KCNQ1: variants seen among roughly 807,000 people sequenced by gnomAD.
KCNQ1 encodes the protein potassium voltage-gated channel subfamily KQT member 1.
KCNQ1 carries 49 observed loss-of-function variants against 72.4 expected under a neutral mutation model. The observed-to-expected ratio is 0.68, with a 90% confidence interval of 0.54 to 0.86. The LOEUF is 0.86. Among genes scored for constraint, KCNQ1 ranks in the 40% least tolerant of loss-of-function variants. KCNQ1 has a pLI of 0.00. For missense variants in KCNQ1, 790 were observed against 945.1 expected (o/e 0.84, Z 2.15); for synonymous variants, 450 against 412.6 (o/e 1.09, Z -1.10).
rs747187696 is a variant in KCNQ1, at chr11:2,661,948, A to C, written c.1394-13A>C. ...GGGAGGCCTAACGTGCTGTCCCCAC[A>C]CTTTCTCCTCAGTAAGGAAGAGCCC... is the stretch of plus-strand genomic sequence containing the variant. On this transcript the variant is annotated splice_polypyrimidine_tract_variant and intron_variant, in intron 10 of 15. Transcript: ENST00000155840. This position sits in a 1 kb window ranked among gnomAD's most constrained non-coding sequence, Gnocchi z 5.9. 1 of 1,614,118 alleles carries C rather than the reference A, an allele frequency of 6.2e-7. No homozygotes were observed. The highest frequency in any genetic ancestry group is 1.1e-5 in the South Asian group (1 of 91,080).
chr11:2,791,719 C>T (rs1228367324), intron 15 of KCNQ1, among the ~76,000 whole-genome samples: 1 of 152,084 alleles, frequency 6.6e-6, no homozygotes, highest in South Asian at 2.1e-4. Flanking sequence ...GGGGCCCGGG[C>T]CTCCCGGGCT....
intron 2 of KCNQ1, among the ~76,000 whole-genome samples, chr11:2,561,095 G>C (rs1227362663): frequency 6.6e-6 from 1 of 151,554 alleles, no homozygotes; most frequent in African/African-American, 2.4e-5. Context: ...CCAGCTACTC[G>C]GGAGGCTGAG....
chr11:2,742,728 T>C (rs1846077658), intron 11 of KCNQ1, among the ~76,000 whole-genome samples: 1 of 152,240 alleles, frequency 6.6e-6, no homozygotes, highest in Non-Finnish European at 1.5e-5. Context: ...CCTCCCCATG[T>C]GCTGAATTCG....
At chr11:2,811,231 C>T (rs980813027) in intron 15 of KCNQ1, among the ~76,000 whole-genome samples, 3 of 152,232 alleles carry the variant, frequency 2.0e-5, no homozygotes, top group Non-Finnish European at 4.4e-5. Flanking sequence ...TCCGTCCCCA[C>T]GACCCCTGTC....
chr11:2,582,061 C>T (rs534353859), intron 6 of KCNQ1, among the ~76,000 whole-genome samples: 155 of 152,320 alleles, frequency 1.0e-3, no homozygotes, highest in Non-Finnish European at 1.4e-3. Flanking sequence ...AGGCCTGTCC[C>T]GCCCTGTGGC....
At position 2,784,757 on chromosome 11, in the gene KCNQ1, T is replaced by A. The variant is rs1426246632; in HGVS notation, c.1794+6720T>A. On this transcript the variant is annotated intron_variant, in intron 15 of 15. Transcript: ENST00000155840. The surrounding 1 kb of genome is among the most constrained non-coding windows in gnomAD (Gnocchi z 4.7). Reference sequence around the variant, plus strand: ...TAAATTTGGTACTTCTTTTGTTACATTTACTCCTAAATATTTTATTTGTCA... The same window carrying A: ...TAAATTTGGTACTTCTTTTGTTACAATTACTCCTAAATATTTTATTTGTCA... 2.0e-5 allele frequency among the ~76,000 whole-genome samples: 3 copies of A among 152,038 alleles called. No homozygotes were observed. The highest frequency in any genetic ancestry group is 1.3e-4 in the Admixed American group (2 of 15,270).
At chr11:2,697,383 CT>C (rs1197627424) in intron 11 of KCNQ1, 2 of 398,484 alleles carry the variant, frequency 5.0e-6, no homozygotes, top group African/African-American at 4.1e-5. Flanking sequence ...ATCCCCATTT[CT>C]TTTTCTTGTA....
rs531420343 is a variant in KCNQ1 at position 2,682,172 on chromosome 11, C to T, written c.1514+20091C>T. The T allele has an allele frequency of 3.4e-4, 134 of 398,608 alleles. No individual in the cohort carries two copies. Among genetic ancestry groups the T allele is most frequent in the African/African-American group, 2.5e-3 (123 of 48,738 alleles). The allele number at this position is 398,608 out of a possible 1,614,324, so 24.7% of individuals were successfully genotyped here. A position where few individuals can be genotyped will look rare whatever the true frequency, so the allele number is the denominator to read the frequency against. The stretch of plus-strand genomic sequence containing the variant: ...TTCAGTATTAAACATATCAAGCTCT[C>T]TCCTGACCTTCTCTCCCCTTCCCCA... On this transcript the variant is annotated intron_variant, in intron 11 of 15. Transcript: ENST00000155840. This position sits in a 1 kb window ranked among gnomAD's most constrained non-coding sequence, Gnocchi z 5.8.
In KCNQ1 at chr11:2,551,673, C is replaced by T. The variant is rs1008131551; in HGVS notation, c.478-18955C>T. On this transcript the variant is annotated intron_variant, in intron 2 of 15. Coordinates refer to ENST00000155840, the MANE Select transcript of KCNQ1 (RefSeq NM_000218.3). ...GCATATTTTCCTTTCGAAGAAACTG[C>T]CAAAGCATTTTGCAAAATGGTAGGC... is the stretch of plus-strand genomic sequence containing the variant. Among the ~76,000 whole-genome samples the T allele has an allele frequency of 4.0e-4, 61 of 152,336 alleles. 1 individual carries two copies. The highest frequency in any genetic ancestry group is 1.4e-3 in the African/African-American group (59 of 41,584).
chr11:2,737,055 G>A (rs1407695580), intron 11 of KCNQ1, among the ~76,000 whole-genome samples: 1 of 152,220 alleles, frequency 6.6e-6, no homozygotes, highest in African/African-American at 2.4e-5. Context: ...GGAGCCAGGG[G>A]TACCACTTTC....
rs538954059 is a variant in KCNQ1 at position 2,762,090 on chromosome 11, G to A, written c.1515-6754G>A. Among the ~76,000 whole-genome samples the A allele has an allele frequency of 3.0e-4, 46 of 152,290 alleles. No individual in the cohort carries two copies. The highest frequency in any genetic ancestry group is 9.9e-4 in the African/African-American group (41 of 41,554). On this transcript the variant is annotated intron_variant, in intron 11 of 15. Coordinates refer to ENST00000155840, the MANE Select transcript of KCNQ1 (RefSeq NM_000218.3). This position sits in a 1 kb window ranked among gnomAD's most constrained non-coding sequence, Gnocchi z 4.3. ...CACGGTCAGGCACCTATGACTCCCC[G>A]TTCCCTGCCTGCTCCCAGGCTGTTT...
In KCNQ1 at chr11:2,603,488, A is replaced by C. The variant is rs1293832960; in HGVS notation, c.1393+14634A>C. Among the ~76,000 whole-genome samples, 1 of 152,166 alleles carries C rather than the reference A, an allele frequency of 6.6e-6. No homozygotes were observed. Among genetic ancestry groups the C allele is most frequent in the Non-Finnish European group, 1.5e-5 (1 of 68,028 alleles). On this transcript the variant is annotated intron_variant, in intron 10 of 15. Transcript: ENST00000155840. The surrounding 1 kb of genome is among the most constrained non-coding windows in gnomAD (Gnocchi z 4.1). ...ACTCCAGTTTGAGAACATTTTTATC[A>C]TTCCAAAAAGAAACCCAGTGCCTTT... is the stretch of plus-strand genomic sequence containing the variant.
intron 11 of KCNQ1, among the ~76,000 whole-genome samples, chr11:2,741,982 G>A (rs1289090765): frequency 6.6e-6 from 1 of 152,248 alleles, no homozygotes; most frequent in African/African-American, 2.4e-5. Flanking sequence ...CTGCCGCCTT[G>A]TAACCCCCAG....
chr11:2,795,256 C>T (rs184624153), intron 15 of KCNQ1, among the ~76,000 whole-genome samples: 1 of 152,352 alleles, frequency 6.6e-6, no homozygotes, highest in Admixed American at 6.5e-5. Context: ...TCGCCTCGGG[C>T]TGGAGCTCAG....
In KCNQ1 at chr11:2,813,779, C is replaced by A. The variant is rs538660988; in HGVS notation, c.1795-33988C>A. ...TCACTGCTTGTGGAAAGAATGAGGGCGGGCACATAGGCCTGGGGTGTGGGG... is the reference window on the plus strand; with the variant it reads ...TCACTGCTTGTGGAAAGAATGAGGGAGGGCACATAGGCCTGGGGTGTGGGG... On this transcript the variant is annotated intron_variant, in intron 15 of 15. Transcript: ENST00000155840. The surrounding 1 kb of genome is among the most constrained non-coding windows in gnomAD (Gnocchi z 4.4). Among the ~76,000 whole-genome samples the A allele has an allele frequency of 6.6e-6, 1 of 151,836 alleles. No homozygotes were observed. The highest frequency in any genetic ancestry group is 1.5e-5 in the Non-Finnish European group (1 of 67,992).
intron 11 of KCNQ1, chr11:2,680,206 TAA>T (rs139249507): frequency 0.31 from 108,976 of 350,886 alleles, 9,369 homozygotes; most frequent in East Asian, 0.54. Context: ...CTTGCCTAAT[TAA>T]AAAAAAAAAA....
At chr11:2,459,723 CAAAG>C (rs777335853) in intron 1 of KCNQ1, among the ~76,000 whole-genome samples, 75 of 152,130 alleles carry the variant, frequency 4.9e-4, no homozygotes, top group Middle Eastern at 6.8e-3. Context: ...CTCCTGCCTA[CAAAG>C]AGTTCCCCCT....
At position 2,627,496 on chromosome 11, in the gene KCNQ1, C is replaced by T. The variant is rs11023536; in HGVS notation, c.1394-34465C>T. 352,528 of 398,436 alleles carry T rather than the reference C, an allele frequency of 0.88. 156,176 individuals are homozygous for T. The highest frequency in any genetic ancestry group is 0.91 in the East Asian group (25,642 of 28,058). 24.7% of individuals were successfully genotyped at this position (398,436 alleles called of 1,614,324 possible). On this transcript the variant is annotated intron_variant, in intron 10 of 15. Coordinates refer to ENST00000155840, the MANE Select transcript of KCNQ1 (RefSeq NM_000218.3). The surrounding 1 kb of genome is among the most constrained non-coding windows in gnomAD (Gnocchi z 4.9). The stretch of plus-strand genomic sequence containing the variant: ...CCCTAGTAACCACCCTTCTACTCTC[C>T]GTTTCTCTGAGTTCAAGCTTTTTAG...
intron 11 of KCNQ1, among the ~76,000 whole-genome samples, chr11:2,719,220 A>AGGT (rs1851160704): frequency 6.6e-6 from 1 of 151,704 alleles, no homozygotes; most frequent in Non-Finnish European, 1.5e-5. Flanking sequence ...AACACACAGA[A>AGGT]GGTGGTGCTG....
Sources: gnomAD v4.1 joint callset for allele counts (sites outside exome capture counted in the v4.1 genomes callset) on GRCh38, gnomAD v4.1.1 for gene constraint, Gnocchi (gnomAD v3.1) non-coding constraint, MANE v1.5 for transcripts, NCBI Gene and HGNC (gene_info 2026-07-23, HGNC 2026-07-21) for gene names.